The following MAPK6 variants were observed in gnomAD, a reference collection of about 807,000 sequenced individuals.
MAPK6 encodes mitogen-activated protein kinase 6.
In MAPK6, 19 loss-of-function variants were observed where a neutral mutation model predicts 59.3. The observed-to-expected ratio is 0.32, with a 90% CI of 0.22 to 0.47. The LOEUF (loss-of-function observed/expected upper bound fraction) is 0.47, where lower values mean the gene tolerates loss of function less well. Ranked by LOEUF, MAPK6 falls within the 20% of genes least tolerant of loss-of-function variation. The pLI is 1.00. For synonymous variants in MAPK6, 316 were observed against 290.3 expected (o/e 1.09, Z -0.90); for missense variants, 724 against 847.9 (o/e 0.85, Z 1.81).
Position 52,058,627 on chromosome 15 carries a change from C to T in MAPK6, c.701-6C>T, listed in dbSNP as rs746066074. 1.2e-5 allele frequency: 19 copies of T among 1,591,338 alleles called. No individual in the cohort carries two copies. Among genetic ancestry groups the T allele is most frequent in the Non-Finnish European group, 1.5e-5 (18 of 1,167,488 alleles). On this transcript the variant is annotated splice_polypyrimidine_tract_variant and splice_region_variant and intron_variant, in intron 3 of 5. Transcript: ENST00000261845. ...ATGTGTTTTTTTGTTTGTTTTTTAA[C>T]CTCAGGTGCACATGAACTTGAACAG...
intron 3 of MAPK6, among the ~76,000 whole-genome samples, chr15:52,008,466 T>C (rs1462251410): frequency 6.6e-6 from 1 of 152,196 alleles, no homozygotes; most frequent in Non-Finnish European, 1.5e-5. Flanking sequence ...TCTTGCTGAA[T>C]TCTGATGCAC....
chr15:52,007,999 A>G (rs2029948760), intron 3 of MAPK6, among the ~76,000 whole-genome samples: 1 of 152,046 alleles, frequency 6.6e-6, no homozygotes, highest in Non-Finnish European at 1.5e-5. Context: ...GGCACCTGCC[A>G]CCACGCCCGG....
chr15:51,984,529 T>C (rs941239338), intron 2 of MAPK6, among the ~76,000 whole-genome samples: 3 of 145,980 alleles, frequency 2.1e-5, no homozygotes, highest in African/African-American at 7.6e-5. Context: ...GGTCTTGATC[T>C]CCTGACCTCG....
At chr15:52,050,876 A>G (rs935857431) in intron 3 of MAPK6, among the ~76,000 whole-genome samples, 1 of 151,314 alleles carries the variant, frequency 6.6e-6, no homozygotes, top group African/African-American at 2.5e-5. Flanking sequence ...ATAATAATAA[A>G]CATATTTATG....
intron 2 of MAPK6, among the ~76,000 whole-genome samples, chr15:51,991,481 C>A (rs2057208666): frequency 6.6e-6 from 1 of 152,130 alleles, no homozygotes; most frequent in South Asian, 2.1e-4. Flanking sequence ...GAAATTAATA[C>A]AAAGTATATA....
intron 3 of MAPK6, among the ~76,000 whole-genome samples, chr15:52,011,998 C>T (rs1377092144): frequency 6.6e-6 from 1 of 152,168 alleles, no homozygotes; most frequent in Non-Finnish European, 1.5e-5. Context: ...CCATTGTTTT[C>T]TGATTGAATG....
At chr15:51,975,921 A>G (rs891270497) in intron 1 of MAPK6, among the ~76,000 whole-genome samples, 1 of 151,872 alleles carries the variant, frequency 6.6e-6, no homozygotes, top group Non-Finnish European at 1.5e-5. Context: ...AGGGTCCCAC[A>G]ATGGGTGCTA....
At chr15:51,976,448 G>A (rs551608591) in intron 1 of MAPK6, among the ~76,000 whole-genome samples, 23 of 151,586 alleles carry the variant, frequency 1.5e-4, no homozygotes, top group African/African-American at 4.6e-4. Context: ...TGAGCAGAAC[G>A]TAAAACTCAA....
At chr15:52,013,002 AAAAAAAAAAAAAAAAAAAATATATAT>A (rs1252920168) in intron 3 of MAPK6, among the ~76,000 whole-genome samples, 119 of 16,426 alleles carry the variant, frequency 7.2e-3, no homozygotes, top group East Asian at 0.014. Flanking sequence ...AAAAAAAAAA[AAAAAAAAAAAAAAAAAAAATATATAT>A]ATATATATAT....
At position 52,065,318 on chromosome 15, in the gene MAPK6, A is replaced by C. The variant is rs1243792643; in HGVS notation, c.*318A>C. On this transcript the variant is annotated 3_prime_UTR_variant, in exon 6 of 6. Coordinates refer to ENST00000261845, the MANE Select transcript of MAPK6 (RefSeq NM_002748.4). Reference sequence around the variant, plus strand: ...TTTACAGGAAACAAACCTTGCCTTGAAATTTACACAGTGAGACTGTACATA... The same window carrying C: ...TTTACAGGAAACAAACCTTGCCTTGCAATTTACACAGTGAGACTGTACATA... The C allele has an allele frequency of 9.5e-6, 2 of 211,632 alleles. No individual in the cohort carries two copies. The highest frequency in any genetic ancestry group is 2.2e-4 in the East Asian group (2 of 8,896). 13.1% of individuals were successfully genotyped at this position (211,632 alleles called of 1,614,324 possible).
intron 2 of MAPK6, among the ~76,000 whole-genome samples, chr15:51,996,135 G>A (rs139506013): frequency 1.7e-3 from 254 of 152,234 alleles, no homozygotes; most frequent in African/African-American, 5.9e-3. Context: ...TTCACAACAA[G>A]GCAAGGGAAT....
At position 52,046,478 on chromosome 15, in the gene MAPK6, A is replaced by C; in HGVS notation, c.18A>C (p.Glu6Asp). 1 of 1,598,228 alleles carries C rather than the reference A, an allele frequency of 6.3e-7. No homozygotes were observed. Among genetic ancestry groups the C allele is most frequent in the South Asian group, 1.1e-5 (1 of 88,350 alleles). Residue 6 changes from glutamate (E) to aspartate (D), a missense_variant, in exon 2 of 6, where the codon GAA (glutamate) becomes GAC (aspartate). This residue lies in a region of MAPK6 where 30 missense variants were observed against 55.3 expected (regional missense o/e 0.54). Transcript: ENST00000261845. ...GTTTCAAAATGGCAGAGAAATTTGAAAGTCTCATGAACATTCATGGTTTTG... is the reference window on the plus strand; with the variant it reads ...GTTTCAAAATGGCAGAGAAATTTGACAGTCTCATGAACATTCATGGTTTTG... MAEKF[E>D]SLMNIHGFDL...
intron 3 of MAPK6, chr15:52,010,946 A>T (rs1252554059): frequency 6.6e-6 from 1 of 152,186 alleles, no homozygotes; most frequent in Non-Finnish European, 1.5e-5. Flanking sequence ...TACAGGTTTG[A>T]TGGGTTTTGA....
At chr15:52,018,401 CTA>C (rs1194076076), upstream of MAPK6, among the ~76,000 whole-genome samples, 1 of 152,146 alleles carries the variant, frequency 6.6e-6, no homozygotes, top group African/African-American at 2.4e-5. Context: ...AAGGGCTATT[CTA>C]TGTCTGGTTC....
chr15:52,021,447 A>AT (rs933228334), intron 1 of MAPK6: 3 of 144,134 alleles, frequency 2.1e-5, no homozygotes, highest in Admixed American at 7.1e-5. Context: ...ATTCTCTCTC[A>AT]TTTTTTCTGA....
chr15:51,984,271 C>T (rs1049673821), intron 2 of MAPK6, among the ~76,000 whole-genome samples: 1 of 151,914 alleles, frequency 6.6e-6, no homozygotes, highest in Non-Finnish European at 1.5e-5. Context: ...TGGATGTTTT[C>T]TATGTTTTCA....
chr15:52,056,674 A>G (rs898846029), intron 3 of MAPK6: 8 of 152,290 alleles, frequency 5.3e-5, no homozygotes, highest in Non-Finnish European at 8.8e-5. Flanking sequence ...CCACTCTTGA[A>G]TTCTTCCCTG....
At chr15:51,978,720 G>A in intron 1 of MAPK6, among the ~76,000 whole-genome samples, 1 of 151,438 alleles carries the variant, frequency 6.6e-6, no homozygotes, top group Non-Finnish European at 1.5e-5. Context: ...GAGATTTTTG[G>A]ATTTCAGAAT....
At chr15:51,974,724 T>C (rs1022839414) in intron 1 of MAPK6, among the ~76,000 whole-genome samples, 13 of 149,914 alleles carry the variant, frequency 8.7e-5, no homozygotes, top group Admixed American at 3.3e-4. Flanking sequence ...AATTTCTTTT[T>C]TCCCCCCCCG....
Sources: gnomAD v4.1 joint callset for allele counts (sites outside exome capture counted in the v4.1 genomes callset) on GRCh38, gnomAD v4.1.1 for gene constraint, gnomAD v4.1.1 regional missense constraint, MANE v1.5 for transcripts, NCBI Gene and HGNC (gene_info 2026-07-23, HGNC 2026-07-21) for gene names.